Variants in MAP3K15 observed in about 807,000 individuals in gnomAD.
MAP3K15 encodes mitogen-activated protein kinase kinase kinase 15, also known as MAPK/ERK kinase kinase 15.
In MAP3K15, 124 loss-of-function variants were observed where a neutral mutation model predicts 99.5. The ratio of observed to expected loss-of-function variants is 1.25; its 90% CI spans 1.08 to 1.45. The LOEUF (loss-of-function observed/expected upper bound fraction) is 1.45, where lower values mean the gene tolerates loss of function less well. MAP3K15 is among the 40% of genes most tolerant of loss of function. MAP3K15 has a pLI of 0.00. For missense variants in MAP3K15, 1,242 were observed against 1,079.7 expected, an observed-to-expected ratio of 1.15 and a Z score of -2.11; for synonymous variants, 494 against 439.6, an observed-to-expected ratio of 1.12 and a Z score of -1.55.
At chrX:19,472,617 A>G (rs1336329041) in intron 3 of MAP3K15, among the ~76,000 whole-genome samples, 2 of 111,667 alleles carry the variant, frequency 1.8e-5, no homozygotes, top group African/African-American at 6.5e-5. Context: ...AAAGGTTAAT[A>G]TAACTCTCTC....
intron 25 of MAP3K15, among the ~76,000 whole-genome samples, chrX:19,367,723 AT>A (rs748998915): frequency 5.0e-4 from 12 of 24,137 alleles, no homozygotes; most frequent in African/African-American, 6.5e-4. Flanking sequence ...ATAACTATGG[AT>A]TTTTTTTTTT....
chrX:19,371,342 T>TA lies in MAP3K15; in HGVS notation c.3294+2dup, dbSNP rs1287067219. 7.5e-6 allele frequency: 9 copies of TA among 1,201,299 alleles called. No homozygotes were observed. Among genetic ancestry groups the TA allele is most frequent in the South Asian group, 1.8e-5 (1 of 56,342 alleles). On this transcript the variant is annotated splice_region_variant and intron_variant, in intron 23 of 28. Transcript: ENST00000338883. ...GTTCCCTAGGGCCAGATGGAGCACT[T>TA]ACGGCATCCTGAAATCCGAACAGCA...
At chrX:19,471,151 A>G (rs1021169757) in intron 3 of MAP3K15, among the ~76,000 whole-genome samples, 3 of 112,126 alleles carry the variant, frequency 2.7e-5, no homozygotes, top group Non-Finnish European at 5.6e-5. Context: ...TTAAAGGAAC[A>G]TGGGACAGCA....
At chrX:19,414,856 C>A (rs1480171613) in intron 10 of MAP3K15, among the ~76,000 whole-genome samples, 1 of 111,672 alleles carries the variant, frequency 9.0e-6, no homozygotes, top group African/African-American at 3.3e-5. Flanking sequence ...AAAAATGTCT[C>A]CGGACATTAC....
chrX:19,408,697 T>C (rs1208907086), intron 12 of MAP3K15: 2 of 111,936 alleles, frequency 1.8e-5, no homozygotes, highest in African/African-American at 6.5e-5. Context: ...CATATTTTAC[T>C]AGCAGATTTT....
chrX:19,478,569 AG>A (rs2064268613), intron 3 of MAP3K15, among the ~76,000 whole-genome samples: 1 of 109,452 alleles, frequency 9.1e-6, no homozygotes, highest in Non-Finnish European at 1.9e-5. Flanking sequence ...CGAGTATTGA[AG>A]ACACTGTCTC....
intron 1 of MAP3K15, among the ~76,000 whole-genome samples, chrX:19,502,255 T>A (rs2064445568): frequency 9.1e-6 from 1 of 109,854 alleles, no homozygotes; most frequent in Admixed American, 9.8e-5. Context: ...TTTGGCTGTG[T>A]CCCCCACACC....
chrX:19,453,090 A>G (rs2064067089), intron 6 of MAP3K15, among the ~76,000 whole-genome samples: 1 of 111,716 alleles, frequency 9.0e-6, no homozygotes, highest in Non-Finnish European at 1.9e-5. Flanking sequence ...CAGATTTACA[A>G]AATGAAAACT....
intron 19 of MAP3K15, among the ~76,000 whole-genome samples, chrX:19,375,088 A>G (rs1419417598): frequency 8.9e-6 from 1 of 112,286 alleles, no homozygotes; most frequent in Non-Finnish European, 1.9e-5. Context: ...CTTGGCTGCA[A>G]CCATGTGAGT....
intron 9 of MAP3K15, among the ~76,000 whole-genome samples, chrX:19,418,116 ACT>A (rs1239461544): frequency 6.3e-5 from 7 of 111,774 alleles, no homozygotes; most frequent in Non-Finnish European, 1.9e-5. Context: ...AAAACTGGAA[ACT>A]CTAAAAATCA....
chrX:19,485,757 G>A (rs753246104), intron 3 of MAP3K15, among the ~76,000 whole-genome samples: 1 of 110,839 alleles, frequency 9.0e-6, no homozygotes, highest in Non-Finnish European at 1.9e-5. Flanking sequence ...GCTGTAAGGT[G>A]GGGGACCAAG....
intron 12 of MAP3K15, among the ~76,000 whole-genome samples, chrX:19,408,218 G>A (rs944096200): frequency 8.9e-6 from 1 of 111,883 alleles, no homozygotes; most frequent in Non-Finnish European, 1.9e-5. Flanking sequence ...GAGGGGTGGG[G>A]CGAGGATGAT....
intron 6 of MAP3K15, among the ~76,000 whole-genome samples, chrX:19,437,988 G>A (rs1202252948): frequency 8.9e-6 from 1 of 112,485 alleles, no homozygotes; most frequent in Non-Finnish European, 1.9e-5. Flanking sequence ...ACACCAAACT[G>A]ACAAGACAGG....
At chrX:19,432,766 A>G (rs1199586716) in intron 6 of MAP3K15, among the ~76,000 whole-genome samples, 1 of 102,826 alleles carries the variant, frequency 9.7e-6, no homozygotes, top group Non-Finnish European at 2.0e-5. Context: ...CCCAGGCTGG[A>G]GTGCAGTGGC....
chrX:19,492,607 G>C (rs2064375578), intron 1 of MAP3K15, among the ~76,000 whole-genome samples: 1 of 111,606 alleles, frequency 9.0e-6, no homozygotes, highest in East Asian at 2.8e-4. Flanking sequence ...CGCCACTGCA[G>C]CTGAGTAAAT....
rs1008865767 is a variant in MAP3K15 at position 19,425,584 on chromosome X, G to A, written c.1386C>T (p.Val462=). Residue 462 remains valine, a synonymous_variant, in exon 9 of 29, where the codon GTC becomes GTT. Transcript: ENST00000338883. ...TCTCTGCTGCCTGGACGGCTTTCCC[G>A]ACATCATGGGCCAGCATGCTGACGC... ...FFSVSMLAHD[V]GKAVQAAERL... is the part of the protein sequence containing the mutation. The A allele has an allele frequency of 3.3e-6, 4 of 1,198,790 alleles. No individual in the cohort carries two copies. The East Asian group carries it at 8.9e-5, about 27-fold the overall frequency.
At chrX:19,416,187 A>C (rs141372212) in intron 9 of MAP3K15, among the ~76,000 whole-genome samples, 2,118 of 111,215 alleles carry the variant, frequency 0.019, 49 homozygotes, top group African/African-American at 0.066. Context: ...AAAAATTAGC[A>C]GGATGCGGTG....
chrX:19,460,995 C>A (rs1358141759), intron 4 of MAP3K15, among the ~76,000 whole-genome samples: 1 of 97,312 alleles, frequency 1.0e-5, no homozygotes. Context: ...TTTTCTTTTT[C>A]TTAAGACAGA....
rs765632159 is a variant in MAP3K15 at position 19,409,205 on chromosome X, G to A, written c.1748+719C>T. Among the ~76,000 whole-genome samples the A allele has an allele frequency of 4.5e-5, 5 of 111,714 alleles. No individual in the cohort carries two copies. The East Asian group carries it at 1.4e-3, about 31-fold the overall frequency. ...ACTGGGGATTCATTCAGTGGCTGAGGTAGCCTCAGAGTCAGAGAAAGGAAT... is the reference window on the plus strand; with the variant it reads ...ACTGGGGATTCATTCAGTGGCTGAGATAGCCTCAGAGTCAGAGAAAGGAAT... On this transcript the variant is annotated intron_variant, in intron 12 of 28. Coordinates refer to ENST00000338883, the MANE Select transcript of MAP3K15 (RefSeq NM_001001671.4).
Sources: gnomAD v4.1 joint callset for allele counts (sites outside exome capture counted in the v4.1 genomes callset) on GRCh38, gnomAD v4.1.1 for gene constraint, MANE v1.5 for transcripts, NCBI Gene and HGNC (gene_info 2026-07-23, HGNC 2026-07-21) for gene names.